EHBP1: variants seen among roughly 807,000 people sequenced by gnomAD.
The protein encoded by EHBP1 is EH domain binding protein 1.
A neutral mutation model predicts 144.0 loss-of-function variants in EHBP1; 55 were observed. The observed-to-expected ratio is 0.38, with a 90% confidence interval of 0.31 to 0.48. The LOEUF is 0.48. Among genes scored for constraint, EHBP1 ranks in the 20% least tolerant of loss-of-function variants. The probability of loss-of-function intolerance (pLI) is 0.98; values close to 1 mark genes in which losing one functional copy is unlikely to be tolerated. For synonymous variants in EHBP1, 469 were observed against 472.7 expected (o/e 0.99, Z 0.10); for missense variants, 1,200 against 1,364.2 (o/e 0.88, Z 1.90).
chr2:62,729,837 C>G (rs1201483544), intron 2 of EHBP1, among the ~76,000 whole-genome samples: 1 of 151,534 alleles, frequency 6.6e-6, no homozygotes, highest in East Asian at 1.9e-4. Context: ...GTGCCTGTTT[C>G]CCCACAGCCT....
At chr2:62,877,352 A>T (rs906071875) in intron 10 of EHBP1, among the ~76,000 whole-genome samples, 3 of 152,232 alleles carry the variant, frequency 2.0e-5, no homozygotes, top group Admixed American at 6.5e-5. Context: ...CCAGATTCAT[A>T]AAACAAGTTC....
chr2:62,816,089 T>C (rs2045426363), intron 5 of EHBP1, among the ~76,000 whole-genome samples: 1 of 152,190 alleles, frequency 6.6e-6, no homozygotes, highest in African/African-American at 2.4e-5. Context: ...CTGAAAAGAA[T>C]AATTAAAATA....
chr2:62,819,261 G>T (rs1263153881), intron 5 of EHBP1, among the ~76,000 whole-genome samples: 1 of 152,134 alleles, frequency 6.6e-6, no homozygotes, highest in Non-Finnish European at 1.5e-5. Context: ...AAAATCTAAA[G>T]AATGTGGGAG....
At chr2:62,978,026 A>C (rs2058792709) in intron 14 of EHBP1, among the ~76,000 whole-genome samples, 1 of 152,132 alleles carries the variant, frequency 6.6e-6, no homozygotes, top group African/African-American at 2.4e-5. Context: ...CTGTATGAAT[A>C]GATGTGAAGA....
chr2:62,960,420 A>G (rs1363222910), intron 14 of EHBP1, among the ~76,000 whole-genome samples: 3 of 152,148 alleles, frequency 2.0e-5, no homozygotes, highest in Non-Finnish European at 2.9e-5. Flanking sequence ...TAGCACTTCT[A>G]TAAACACTGT....
rs191327082 is a variant in EHBP1, at chr2:63,016,751, A to T, written c.3103+19985A>T. Among the ~76,000 whole-genome samples the T allele has an allele frequency of 5.5e-4, 84 of 152,178 alleles. No homozygotes were observed. In the East Asian group the frequency reaches 0.013, roughly 24 times the overall value. ...CAGCCTGAAATTATGTTTTAATTCA[A>T]TATGCAGAAGGTAAAAAAGCATATA... On this transcript the variant is annotated intron_variant, in intron 19 of 22. Transcript: ENST00000431489.
At chr2:62,840,948 T>C (rs2047786693) in intron 7 of EHBP1, among the ~76,000 whole-genome samples, 1 of 152,178 alleles carries the variant, frequency 6.6e-6, no homozygotes, top group South Asian at 2.1e-4. Context: ...CTCAGGGATC[T>C]AGAACTAGAA....
intron 14 of EHBP1, among the ~76,000 whole-genome samples, chr2:62,978,544 G>C (rs907583421): frequency 2.0e-5 from 3 of 151,970 alleles, no homozygotes; most frequent in Admixed American, 6.6e-5. Flanking sequence ...TATTTGTCTT[G>C]TTATTTTAAA....
rs763779469 is a variant in EHBP1 at position 62,990,739 on chromosome 2, T to C, written c.2632T>C (p.Leu878=). 1 of 1,613,878 alleles carries C rather than the reference T, an allele frequency of 6.2e-7. No homozygotes were observed. ...SGEQNSKLVD[L]KLKKLLEVQP... ...AGAACAAAACAGTAAGTTGGTGGAC[T>C]TGAAGCTGAAGAAGCTCCTAGAAGT... The change falls in exon 16 of 23, where the codon TTG becomes CTG. Residue 878 remains leucine (L), a synonymous_variant. Coordinates refer to ENST00000431489, the MANE Select transcript of EHBP1 (RefSeq NM_001142616.3).
intron 1 of EHBP1, among the ~76,000 whole-genome samples, chr2:62,674,715 G>A (rs1366953879): frequency 6.6e-6 from 1 of 152,202 alleles, no homozygotes; most frequent in Non-Finnish European, 1.5e-5. Flanking sequence ...AAGTGTGTTT[G>A]TGCAGCAACA....
At chr2:62,733,229 C>A (rs539522861) in intron 2 of EHBP1, among the ~76,000 whole-genome samples, 2 of 152,166 alleles carry the variant, frequency 1.3e-5, no homozygotes, top group Non-Finnish European at 2.9e-5. Flanking sequence ...AAGGTTTTCT[C>A]TTTATCTGGA....
In EHBP1 at chr2:62,948,608, G is replaced by A. The variant is rs1446946063; in HGVS notation, c.1762G>A (p.Glu588Lys). Residue 588 changes from glutamate (E) to lysine (K), a missense_variant, in exon 13 of 23, where the codon GAG becomes AAG. Around this residue, in one of 6 missense-constraint regions of EHBP1, gnomAD observed 543 missense variants for 513.1 expected, o/e 1.06. Transcript: ENST00000431489. ...SVFVNDSGVG[E>K]SESEHQTPDD... ...ATTTGTAAATGATAGCGGGGTTGGA[G>A]AGTCAGAAAGTGAGCATCAAACTCC... The A allele has an allele frequency of 3.6e-5, 58 of 1,613,854 alleles. No individual in the cohort carries two copies. The highest frequency in any genetic ancestry group is 4.0e-5 in the Non-Finnish European group (47 of 1,179,990).
Position 62,970,492 on chromosome 2 carries a change from G to A in EHBP1, c.2461-8696G>A, listed in dbSNP as rs140854425. Reference sequence around the variant, plus strand: ...CAAACTACATTGTTTGAAATAATATGTTTTTAAAGTTTTGTTAAGGCTTAT... The same window carrying A: ...CAAACTACATTGTTTGAAATAATATATTTTTAAAGTTTTGTTAAGGCTTAT... On this transcript the variant is annotated intron_variant, in intron 14 of 22. Transcript: ENST00000431489. 5.0e-3 allele frequency among the ~76,000 whole-genome samples: 764 copies of A among 152,182 alleles called. 2 individuals are homozygous for A. Among genetic ancestry groups the A allele is most frequent in the Non-Finnish European group, 8.7e-3 (591 of 67,990 alleles).
At chr2:62,943,966 G>A (rs1033395817) in intron 12 of EHBP1, 116 bp downstream of exon 12, 15 of 653,748 alleles carry the variant, frequency 2.3e-5, no homozygotes, top group African/African-American at 5.6e-5. Flanking sequence ...ACTCACAGAG[G>A]GTTGTCTGCT....
chr2:62,881,869 A>G (rs544761174), intron 10 of EHBP1: 6 of 152,272 alleles, frequency 3.9e-5, no homozygotes, highest in South Asian at 2.1e-4. Context: ...CCGCTATATT[A>G]GGTTATTTAA....
chr2:62,843,267 T>G (rs1478203768), intron 7 of EHBP1, among the ~76,000 whole-genome samples: 1 of 152,206 alleles, frequency 6.6e-6, no homozygotes, highest in Non-Finnish European at 1.5e-5. Flanking sequence ...AGTGAATGAA[T>G]GAAGCTTCAT....
intron 21 of EHBP1, among the ~76,000 whole-genome samples, chr2:63,043,690 G>A (rs918870208): frequency 6.6e-6 from 1 of 151,674 alleles, no homozygotes; most frequent in Non-Finnish European, 1.5e-5. Context: ...GGAGGGGGTC[G>A]GGGGGGATTT....
chr2:62,927,795 C>T (rs1371869883), intron 10 of EHBP1, among the ~76,000 whole-genome samples: 3 of 152,134 alleles, frequency 2.0e-5, no homozygotes, highest in Admixed American at 6.5e-5. Context: ...TGCGCAACAA[C>T]AGAATGCACA....
At chr2:62,858,474 A>C in intron 7 of EHBP1, 1 of 1,612,126 alleles carries the variant, frequency 6.2e-7, no homozygotes, top group Non-Finnish European at 8.5e-7. Context: ...AAAGCAAGCA[A>C]ATATGCGTTC....
Sources: gnomAD v4.1 joint callset for allele counts (sites outside exome capture counted in the v4.1 genomes callset) on GRCh38, gnomAD v4.1.1 for gene constraint, gnomAD v4.1.1 regional missense constraint, MANE v1.5 for transcripts, NCBI Gene and HGNC (gene_info 2026-07-23, HGNC 2026-07-21) for gene names.